The following EYA4 variants were observed in gnomAD, a reference collection of about 807,000 sequenced individuals.
EYA4 encodes EYA transcriptional coactivator and phosphatase 4, also known as protein phosphatase EYA4.
Under a neutral mutation model 87.9 loss-of-function variants are expected in EYA4, and 31 were observed. The observed-to-expected ratio is 0.35, with a 90% CI of 0.27 to 0.48. The LOEUF (loss-of-function observed/expected upper bound fraction) is 0.48, where lower values mean the gene tolerates loss of function less well. Ranked by LOEUF, EYA4 falls within the 20% of genes least tolerant of loss-of-function variation. EYA4 has a pLI of 0.99. For synonymous variants in EYA4, 263 were observed against 270.6 expected, an observed-to-expected ratio of 0.97 and a Z score of 0.28; for missense variants, 678 against 761.4, an observed-to-expected ratio of 0.89 and a Z score of 1.29.
intron 3 of EYA4, among the ~76,000 whole-genome samples, chr6:133,426,017 C>A (rs1404768025): frequency 6.6e-6 from 1 of 150,998 alleles, no homozygotes; most frequent in Non-Finnish European, 1.5e-5. Flanking sequence ...ATTGAATAAA[C>A]CTGTCCATCC....
At chr6:133,271,501 C>T (rs1776683722) in intron 1 of EYA4, among the ~76,000 whole-genome samples, 2 of 152,164 alleles carry the variant, frequency 1.3e-5, no homozygotes, top group African/African-American at 2.4e-5. Context: ...GACCCATATC[C>T]ACAGTAAGTG....
chr6:133,373,839 G>C (rs1052519113), intron 2 of EYA4, among the ~76,000 whole-genome samples: 1 of 152,046 alleles, frequency 6.6e-6, no homozygotes, highest in Non-Finnish European at 1.5e-5. Flanking sequence ...TATCAAGGCT[G>C]GACAATCTAG....
intron 2 of EYA4, among the ~76,000 whole-genome samples, chr6:133,368,828 G>A (rs1024610986): frequency 4.6e-5 from 7 of 152,300 alleles, no homozygotes; most frequent in East Asian, 1.9e-4. Context: ...AGACAGCGCC[G>A]TCTTCAGTTC....
chr6:133,440,184 CTTCCT>C (rs1216750507), intron 3 of EYA4, among the ~76,000 whole-genome samples: 4 of 152,182 alleles, frequency 2.6e-5, no homozygotes, highest in Non-Finnish European at 4.4e-5. Flanking sequence ...ATTCTTATTA[CTTCCT>C]TTCTATGCTT....
intron 2 of EYA4, among the ~76,000 whole-genome samples, chr6:133,291,931 G>A (rs1052836082): frequency 7.7e-6 from 1 of 129,710 alleles, no homozygotes; most frequent in Non-Finnish European, 1.6e-5. Context: ...ATCCCAGCTA[G>A]ACTGATTTTT....
chr6:133,286,902 G>A (rs1236240348), intron 2 of EYA4, among the ~76,000 whole-genome samples: 2 of 152,136 alleles, frequency 1.3e-5, no homozygotes, highest in Non-Finnish European at 2.9e-5. Context: ...TCTTTGTAGT[G>A]TTGGGGAGGG....
intron 1 of EYA4, among the ~76,000 whole-genome samples, chr6:133,264,066 T>A (rs1406642503): frequency 2.6e-5 from 4 of 152,224 alleles, no homozygotes; most frequent in Admixed American, 2.6e-4. Context: ...CCCTCAGCCC[T>A]GCTTGTACCC....
At position 133,331,178 on chromosome 6, in the gene EYA4, A is replaced by T. The variant is rs202064615; in HGVS notation, c.34-51214A>T. Among the ~76,000 whole-genome samples the T allele has an allele frequency of 2.6e-5, 4 of 152,222 alleles. No homozygotes were observed. In the East Asian group the frequency reaches 7.7e-4, roughly 29 times the overall value. ...CCTATAAAATGAATGGGCTCTGTGC[A>T]TTAAAATTTTTACCAAATAGATATG... On this transcript the variant is annotated intron_variant, in intron 2 of 19. Coordinates refer to ENST00000355286, the MANE Select transcript of EYA4 (RefSeq NM_004100.5).
chr6:133,451,316 G>T (rs1793418810), intron 5 of EYA4, among the ~76,000 whole-genome samples: 2 of 152,136 alleles, frequency 1.3e-5, no homozygotes. Context: ...AACAGGCCAT[G>T]GGTCAGATTT....
chr6:133,398,243 A>C (rs1787969001), intron 3 of EYA4, among the ~76,000 whole-genome samples: 1 of 152,220 alleles, frequency 6.6e-6, no homozygotes, highest in South Asian at 2.1e-4. Flanking sequence ...TTTGCAAACC[A>C]TGTGAATTGA....
chr6:133,496,349 A>G (rs1483201950), intron 13 of EYA4, among the ~76,000 whole-genome samples: 1 of 152,200 alleles, frequency 6.6e-6, no homozygotes, highest in Non-Finnish European at 1.5e-5. Flanking sequence ...GGTATAGCAT[A>G]GTGATTTTTT....
At chr6:133,514,446 T>G (rs1439365136) in intron 16 of EYA4, among the ~76,000 whole-genome samples, 1 of 152,204 alleles carries the variant, frequency 6.6e-6, no homozygotes, top group African/African-American at 2.4e-5. Flanking sequence ...TAATCTTGTA[T>G]CTTAGAAACT....
rs150316426 is a variant in EYA4 at position 133,502,233 on chromosome 6, T to G, written c.1192-3873T>G. ...GAACTGTTATAATATGTATAATATA[T>G]ATCAGAACTTCCACAAAACCCTGTT... On this transcript the variant is annotated intron_variant, in intron 13 of 19. Coordinates refer to ENST00000355286, the MANE Select transcript of EYA4 (RefSeq NM_004100.5). 339 of 152,246 alleles carry G rather than the reference T, an allele frequency of 2.2e-3. 1 individual carries two copies. The highest frequency in any genetic ancestry group is 7.3e-3 in the African/African-American group (302 of 41,550). 9.4% of individuals were successfully genotyped at this position (152,246 alleles called of 1,614,324 possible). A position where few individuals can be genotyped will look rare whatever the true frequency, so the allele number is the denominator to read the frequency against.
rs1368513667 is a variant in EYA4, at chr6:133,448,114, A to G, written c.212A>G (p.Glu71Gly). 1.2e-6 allele frequency: 2 copies of G among 1,612,704 alleles called. No homozygotes were observed. ...TSVTTNGTGGENMTVLNTADW... is the reference protein window; with the variant it reads ...TSVTTNGTGGGNMTVLNTADW... ...TTTATACTGTTCCTGTTCTCAGGGG[A>G]AAACATGACTGTTTTAAACACAGCA... The change falls in exon 5 of 20, where the codon GAA becomes GGA. Residue 71 changes from glutamate to glycine, a missense_variant. By Grantham distance (98) the Glu-to-Gly change is moderately conservative. Transcript: ENST00000355286.
intron 5 of EYA4, among the ~76,000 whole-genome samples, chr6:133,454,409 AT>A (rs1378980325): frequency 6.6e-6 from 1 of 152,184 alleles, no homozygotes; most frequent in Non-Finnish European, 1.5e-5. Context: ...GACAAAAGGA[AT>A]TCTTGATTAG....
intron 2 of EYA4, among the ~76,000 whole-genome samples, chr6:133,314,714 C>T (rs17301872): frequency 0.44 from 66,406 of 151,886 alleles, 15,216 homozygotes; most frequent in Non-Finnish European, 0.52. Flanking sequence ...AAAAATAAAG[C>T]GCTAGTATTA....
chr6:133,376,601 G>A (rs1303342026), intron 2 of EYA4, among the ~76,000 whole-genome samples: 1 of 151,748 alleles, frequency 6.6e-6, no homozygotes, highest in African/African-American at 2.4e-5. Context: ...TATAATAAAA[G>A]AACCTTGCTC....
intron 2 of EYA4, among the ~76,000 whole-genome samples, chr6:133,280,191 A>T (rs926928351): frequency 7.9e-5 from 12 of 152,206 alleles, no homozygotes; most frequent in Non-Finnish European, 1.5e-4. Context: ...TATCCAACTG[A>T]ATAACATACT....
chr6:133,304,393 C>G (rs1779651935), intron 2 of EYA4, among the ~76,000 whole-genome samples: 1 of 152,130 alleles, frequency 6.6e-6, no homozygotes, highest in African/African-American at 2.4e-5. Flanking sequence ...TTTTCTGTCT[C>G]TTGCATTCCC....
Sources: allele counts gnomAD v4.1 joint callset (sites outside exome capture counted in the v4.1 genomes callset), GRCh38; gene constraint gnomAD v4.1.1; transcripts MANE v1.5; gene names NCBI Gene and HGNC (gene_info 2026-07-23, HGNC 2026-07-21).